The following CHL1 variants were observed in gnomAD, a reference collection of about 807,000 sequenced individuals.
CHL1 encodes neural cell adhesion molecule L1-like protein.
Under a neutral mutation model 141.9 loss-of-function variants are expected in CHL1, and 96 were observed. That is an observed-to-expected ratio of 0.68 (90% CI 0.57 to 0.80). CHL1 has a LOEUF of 0.80. CHL1 is among the 30% of genes least tolerant of loss of function. The pLI is 0.00. For missense variants in CHL1, 1,820 were observed against 1,457.2 expected, an observed-to-expected ratio of 1.25 and a Z score of -4.05; for synonymous variants, 613 against 502.2, an observed-to-expected ratio of 1.22 and a Z score of -2.95.
intron 5 of CHL1, among the ~76,000 whole-genome samples, chr3:331,756 GA>G (rs896727236): frequency 2.0e-5 from 3 of 152,038 alleles, no homozygotes; most frequent in Admixed American, 6.6e-5. Context: ...TATAAAAAAG[GA>G]AAAATGACAA....
intron 1 of CHL1, among the ~76,000 whole-genome samples, chr3:214,822 G>A (rs1245313711): frequency 2.0e-5 from 3 of 152,174 alleles, no homozygotes; most frequent in Non-Finnish European, 4.4e-5. Context: ...TTAGAGTGAT[G>A]TGAAATATTA....
intron 2 of CHL1, among the ~76,000 whole-genome samples, chr3:294,246 G>T (rs372121907): frequency 6.6e-6 from 1 of 152,116 alleles, no homozygotes; most frequent in East Asian, 1.9e-4. Flanking sequence ...TTGAGCCTGG[G>T]AGGTCGAGGA....
chr3:249,535 A>G (rs923171568), intron 2 of CHL1, among the ~76,000 whole-genome samples: 21 of 152,206 alleles, frequency 1.4e-4, no homozygotes, highest in African/African-American at 4.8e-4. Flanking sequence ...TTTGAGTTCT[A>G]CCTTCGAAAG....
chr3:359,598 C>G (rs968835621), intron 11 of CHL1, among the ~76,000 whole-genome samples: 2 of 152,146 alleles, frequency 1.3e-5, no homozygotes, highest in Non-Finnish European at 2.9e-5. Context: ...CCACCATGCC[C>G]AGCCTCATGT....
At chr3:252,885 TG>T (rs1414219873) in intron 2 of CHL1, among the ~76,000 whole-genome samples, 1 of 152,132 alleles carries the variant, frequency 6.6e-6, no homozygotes, top group Non-Finnish European at 1.5e-5. Context: ...GCTTTCATTT[TG>T]GGTGGAAGAC....
At chr3:244,113 T>G (rs1692927894) in intron 1 of CHL1, among the ~76,000 whole-genome samples, 1 of 152,166 alleles carries the variant, frequency 6.6e-6, no homozygotes, top group Non-Finnish European at 1.5e-5. Flanking sequence ...AGATGACCTC[T>G]TGAGTTGAAG....
In CHL1 at chr3:398,275, A is replaced by G. The variant is rs1708838765; in HGVS notation, c.3143A>G (p.His1048Arg). ...GGAGTAAATCTTACTCAAAAGACTC[A>G]CCCAATAGAGGTATTTGAGCCGGGA... The part of the protein sequence containing the change: ...ISGVNLTQKT[H>R]PIEVFEPGAE... Residue 1048 changes from histidine (H) to arginine (R), a missense_variant, in exon 25 of 28, where the codon CAC becomes CGC. Physicochemically the swap from His to Arg is conservative, Grantham distance 29. Coordinates refer to ENST00000256509, the MANE Select transcript of CHL1 (RefSeq NM_006614.4). 2.5e-6 allele frequency: 4 copies of G among 1,606,994 alleles called. No homozygotes were observed. Among genetic ancestry groups the G allele is most frequent in the Non-Finnish European group, 3.4e-6 (4 of 1,173,990 alleles).
Position 391,065 on chromosome 3 carries a change from TG to T in CHL1, c.2698del (p.Ala900ProfsTer7). 8 of 1,613,856 alleles carry T rather than the reference TG, an allele frequency of 5.0e-6. No individual in the cohort carries two copies. Among genetic ancestry groups the T allele is most frequent in the Non-Finnish European group, 6.8e-6 (8 of 1,179,686 alleles). ...RNSGMVPSLD[A>X]FSEFHLTVLA... ...ACTCTGGAATGGTTCCTTCCTTAGA[TG>T]CCTTTAGTGAATTTCATTTAACAGT... On this transcript the variant is annotated frameshift_variant, in exon 22 of 28. Coordinates refer to ENST00000256509, the MANE Select transcript of CHL1 (RefSeq NM_006614.4). LOFTEE classifies it high-confidence loss of function.
chr3:261,043 G>A (rs1559350970), intron 2 of CHL1, among the ~76,000 whole-genome samples: 1 of 152,030 alleles, frequency 6.6e-6, no homozygotes, highest in Non-Finnish European at 1.5e-5. Context: ...GATGACCTAA[G>A]CTGTTAAACC....
At position 340,874 on chromosome 3, in the gene CHL1, C is replaced by A; in HGVS notation, c.466C>A (p.Pro156Thr). 6.2e-7 allele frequency: 1 copy of A among 1,613,078 alleles called. No homozygotes were observed. The highest frequency in any genetic ancestry group is 8.5e-7 in the Non-Finnish European group (1 of 1,179,204). The change falls in exon 6 of 28, where the codon CCC (proline) becomes ACC (threonine). Residue 156 changes from proline to threonine, a missense_variant. By Grantham distance (38) the Pro-to-Thr change is conservative. Coordinates refer to ENST00000256509, the MANE Select transcript of CHL1 (RefSeq NM_006614.4). ...GDPIVLPCNPPKGLPPLHIYW... is the reference protein window; with the variant it reads ...GDPIVLPCNPTKGLPPLHIYW... ...TCCAATTGTCCTCCCATGCAATCCT[C>A]CCAAAGGCCTCCCACCTTTACACAT... is the stretch of plus-strand genomic sequence containing the variant.
intron 2 of CHL1, among the ~76,000 whole-genome samples, chr3:303,915 T>G (rs181307050): frequency 6.6e-6 from 1 of 152,252 alleles, no homozygotes; most frequent in Non-Finnish European, 1.5e-5. Context: ...ACCTAGTTTA[T>G]TGAGAGATTT....
At chr3:209,894 A>G (rs1699760978) in intron 1 of CHL1, among the ~76,000 whole-genome samples, 1 of 152,238 alleles carries the variant, frequency 6.6e-6, no homozygotes, top group South Asian at 2.1e-4. Flanking sequence ...AGTTTGCCAC[A>G]GAGTATACTT....
At position 206,860 on chromosome 3, in the gene CHL1, T is replaced by G. The variant is rs56829026; in HGVS notation, c.-175+9797T>G. Among the ~76,000 whole-genome samples the G allele has an allele frequency of 2.9e-3, 449 of 152,378 alleles. 2 individuals are homozygous for G. Among genetic ancestry groups the G allele is most frequent in the African/African-American group, 0.01 (418 of 41,594 alleles). The stretch of plus-strand genomic sequence containing the variant: ...CTCTATGATATGAATACGCATGGAT[T>G]TCCCTCACTTCTGGGTATTATATGT... On this transcript the variant is annotated intron_variant, in intron 1 of 27. Transcript: ENST00000256509.
chr3:267,970 T>C (rs1695299913), intron 2 of CHL1, among the ~76,000 whole-genome samples: 1 of 152,188 alleles, frequency 6.6e-6, no homozygotes, highest in Non-Finnish European at 1.5e-5. Context: ...AATTCTAAAA[T>C]GATTCTTTCC....
intron 1 of CHL1, among the ~76,000 whole-genome samples, chr3:243,337 C>G (rs1266760014): frequency 6.6e-6 from 1 of 152,134 alleles, no homozygotes; most frequent in Non-Finnish European, 1.5e-5. Flanking sequence ...AGTCAGTGAA[C>G]ACAATTATAT....
At chr3:309,385 T>TGCCTTCC (rs1699547952) in intron 2 of CHL1, 1 of 141,030 alleles carries the variant, frequency 7.1e-6, no homozygotes, top group Non-Finnish European at 1.6e-5. Context: ...CCTTCCTTCC[T>TGCCTTCC]TCCTTCCTCC....
intron 5 of CHL1, among the ~76,000 whole-genome samples, chr3:334,814 C>T (rs17029096): frequency 0.12 from 18,494 of 152,094 alleles, 1,349 homozygotes; most frequent in East Asian, 0.33. Flanking sequence ...AATTAGGATC[C>T]TTAAGAATGA....
intron 2 of CHL1, among the ~76,000 whole-genome samples, chr3:318,233 A>G (rs1700289493): frequency 6.6e-6 from 1 of 151,936 alleles, no homozygotes; most frequent in African/African-American, 2.4e-5. Context: ...ACCAATCGGT[A>G]CATATATACA....
intron 15 of CHL1, among the ~76,000 whole-genome samples, chr3:370,049 C>A (rs1705422602): frequency 6.6e-6 from 1 of 152,110 alleles, no homozygotes. Context: ...TGATGTTGGC[C>A]TGAATGTTCC....
Sources: gnomAD v4.1 joint callset for allele counts (sites outside exome capture counted in the v4.1 genomes callset) on GRCh38, gnomAD v4.1.1 for gene constraint, MANE v1.5 for transcripts, NCBI Gene and HGNC (gene_info 2026-07-23, HGNC 2026-07-21) for gene names.